Variants in BUB1B observed in about 807,000 individuals in gnomAD.
BUB1B encodes the protein BUB1 mitotic checkpoint serine/threonine kinase B.
Under a neutral mutation model 137.7 loss-of-function variants are expected in BUB1B, and 86 were observed. The observed-to-expected ratio is 0.62, with a 90% CI of 0.52 to 0.75. BUB1B has a LOEUF of 0.75. Among genes scored for constraint, BUB1B ranks in the 30% least tolerant of loss-of-function variants. The pLI, the probability that BUB1B is intolerant of heterozygous loss-of-function variation, is 0.00. For missense variants in BUB1B, 1,130 were observed against 1,236.9 expected (o/e 0.91, Z 1.30); for synonymous variants, 420 against 417.9 (o/e 1.00, Z -0.06).
intron 2 of BUB1B, among the ~76,000 whole-genome samples, chr15:40,168,809 G>T (rs931083911): frequency 6.6e-6 from 1 of 151,966 alleles, no homozygotes; most frequent in Non-Finnish European, 1.5e-5. Context: ...TTCCACCTTC[G>T]TAATTTTATT....
In BUB1B at chr15:40,199,671, A is replaced by G. The variant is rs758086809; in HGVS notation, c.1345A>G (p.Met449Val). Reference protein sequence around the residue: ...RAEMQKQIEEMEKKLKEIQTT... With the variant: ...RAEMQKQIEEVEKKLKEIQTT... ...AGAAATGCAGAAACAGATTGAAGAG[A>G]TGGAGAAGAAGCTAAAAGAAATCCA... Residue 449 changes from methionine (M) to valine (V), a missense_variant, in exon 10 of 23, where the codon ATG (methionine) becomes GTG (valine). Met to Val is a conservative substitution (Grantham distance 21, BLOSUM62 1). Transcript: ENST00000287598. 6.2e-7 allele frequency: 1 copy of G among 1,613,932 alleles called. No individual in the cohort carries two copies. Among genetic ancestry groups the G allele is most frequent in the African/African-American group, 1.3e-5 (1 of 74,940 alleles).
Position 40,218,462 on chromosome 15 carries a change from C to T in BUB1B, c.2857C>T (p.Leu953=), listed in dbSNP as rs1055481142. The part of the protein sequence containing the change: ...ANCSSPYQVD[L]FGIADLAHLL... ...GTGCTTTTTGTGATTTCAGGTAGACCTGTTTGGTATAGCAGATTTAGCACA... is the reference window on the plus strand; with the variant it reads ...GTGCTTTTTGTGATTTCAGGTAGACTTGTTTGGTATAGCAGATTTAGCACA... The change falls in exon 22 of 23, where the codon CTG becomes TTG. Residue 953 remains leucine (L), a synonymous_variant. Transcript: ENST00000287598. 1.2e-5 allele frequency: 19 copies of T among 1,611,928 alleles called. No homozygotes were observed. The Admixed American group carries it at 2.0e-4, about 17-fold the overall frequency.
In BUB1B at chr15:40,209,793, C is replaced by T. The variant is rs113609246; in HGVS notation, c.2284+18C>T. 8.5e-5 allele frequency: 137 copies of T among 1,613,564 alleles called. 1 individual carries two copies. The Middle Eastern group carries it at 4.1e-3, about 49-fold the overall frequency. On this transcript the variant is annotated intron_variant, in intron 17 of 22. Coordinates refer to ENST00000287598, the MANE Select transcript of BUB1B (RefSeq NM_001211.6). ...TGAATTAGGTAAGTACCATTGAACTCATGTCCTCTGGTTCATGACAGTATA... is the reference window on the plus strand; with the variant it reads ...TGAATTAGGTAAGTACCATTGAACTTATGTCCTCTGGTTCATGACAGTATA...
Position 40,199,717 on chromosome 15 carries a change from C to T in BUB1B, c.1391C>T (p.Thr464Ile), listed in dbSNP as rs1431082197. Residue 464 changes from threonine (T) to isoleucine (I), a missense_variant, in exon 10 of 23, where the codon ACA becomes ATA. By Grantham distance (89) the Thr-to-Ile change is moderately conservative. Coordinates refer to ENST00000287598, the MANE Select transcript of BUB1B (RefSeq NM_001211.6). Reference protein sequence around the residue: ...KEIQTTQQERTGDQQEETMPT... With the variant: ...KEIQTTQQERIGDQQEETMPT... ...ATCCAAACTACTCAGCAAGAAAGAACAGGTGATCAGGTAATTTTTCTTTTT... is the reference window on the plus strand; with the variant it reads ...ATCCAAACTACTCAGCAAGAAAGAATAGGTGATCAGGTAATTTTTCTTTTT... 1 of 1,611,090 alleles carries T rather than the reference C, an allele frequency of 6.2e-7. No homozygotes were observed. The highest frequency in any genetic ancestry group is 1.1e-5 in the South Asian group (1 of 91,008).
chr15:40,220,132 G>A (rs2037875190), intron 22 of BUB1B, among the ~76,000 whole-genome samples: 1 of 152,188 alleles, frequency 6.6e-6, no homozygotes. Context: ...AACATATTAA[G>A]CAGTAGTTAG....
At chr15:40,207,870 C>T (rs1006001638) in intron 15 of BUB1B, among the ~76,000 whole-genome samples, 1 of 96,024 alleles carries the variant, frequency 1.0e-5, no homozygotes, top group African/African-American at 3.9e-5. Flanking sequence ...TGCCTTGTGT[C>T]TAATAAAAAT....
At position 40,173,912 on chromosome 15, in the gene BUB1B, T is replaced by C. The variant is rs1349292296; in HGVS notation, c.385-2565T>C. 1.5e-5 allele frequency: 6 copies of C among 404,048 alleles called. No homozygotes were observed. In the Admixed American group the frequency reaches 2.1e-4, roughly 14 times the overall value. The allele number at this position is 404,048 out of a possible 1,614,324, so 25.0% of individuals were successfully genotyped here. On this transcript the variant is annotated intron_variant, in intron 4 of 22. Coordinates refer to ENST00000287598, the MANE Select transcript of BUB1B (RefSeq NM_001211.6). The stretch of plus-strand genomic sequence containing the variant: ...AGGATTTCTCCAGTCAGTTATTTTA[T>C]GTGACTCCTACAGTCTAGCTAAGGA...
intron 8 of BUB1B, 102 bp from the exon 9 acceptor site, chr15:40,196,440 CATA>C (rs768182337): frequency 8.2e-5 from 89 of 1,084,062 alleles, no homozygotes; most frequent in Non-Finnish European, 1.1e-4. Context: ...ATTTGCAGAA[CATA>C]ATTATTGATG....
chr15:40,202,257 C>T (rs1355491386), intron 12 of BUB1B, 148 bp from the exon 13 acceptor site: 1 of 688,250 alleles, frequency 1.5e-6, no homozygotes, highest in Admixed American at 2.8e-5. Flanking sequence ...TGTTTAATGA[C>T]CTTTTATATG....
chr15:40,184,311 A>C (rs565027878), intron 6 of BUB1B, among the ~76,000 whole-genome samples: 1 of 146,078 alleles, frequency 6.8e-6, no homozygotes, highest in Non-Finnish European at 1.5e-5. Flanking sequence ...ATTAACATGG[A>C]CTTTTTTTTT....
In BUB1B at chr15:40,215,192, G is replaced by A. The variant is rs193115064; in HGVS notation, c.2678+1718G>A. Among the ~76,000 whole-genome samples, 340 of 152,278 alleles carry A rather than the reference G, an allele frequency of 2.2e-3. 1 individual carries two copies. The Middle Eastern group carries it at 0.044, about 20-fold the overall frequency. On this transcript the variant is annotated intron_variant, in intron 20 of 22. Transcript: ENST00000287598. ...AGGAATTAAAAGCCAGAAAGGGGCC[G>A]AGCACAGTGGCTCATGCCTATAATC...
chr15:40,216,573 T>TATATA (rs1566829837), intron 20 of BUB1B, among the ~76,000 whole-genome samples: 5 of 110,304 alleles, frequency 4.5e-5, no homozygotes, highest in African/African-American at 2.3e-4. Context: ...ATATATATAT[T>TATATA]TTTTTTTTTT....
intron 5 of BUB1B, among the ~76,000 whole-genome samples, chr15:40,179,153 C>G (rs1280262940): frequency 2.1e-5 from 3 of 146,116 alleles, no homozygotes; most frequent in Non-Finnish European, 4.6e-5. Flanking sequence ...ATACTATTTC[C>G]TTTTTTTTTT....
At chr15:40,200,624 A>G (rs1260787724) in intron 11 of BUB1B, among the ~76,000 whole-genome samples, 1 of 152,200 alleles carries the variant, frequency 6.6e-6, no homozygotes, top group African/African-American at 2.4e-5. Context: ...CTAAGAGATG[A>G]TTACCATTAA....
chr15:40,185,043 T>C, intron 6 of BUB1B, 122 bp from the exon 7 acceptor site: 3 of 725,710 alleles, frequency 4.1e-6, no homozygotes, highest in Non-Finnish European at 6.6e-6. Flanking sequence ...TAAAATTTCT[T>C]TTTTTTTTTC....
At chr15:40,170,516 T>A in intron 3 of BUB1B, 21 bp from the exon 4 acceptor site, 1 of 1,612,940 alleles carries the variant, frequency 6.2e-7, no homozygotes, top group Non-Finnish European at 8.5e-7. Context: ...AATGTGTTCT[T>A]ATCTTTTTCC....
At chr15:40,170,437 A>G (rs2037148495) in intron 3 of BUB1B, 100 bp from the exon 4 acceptor site, 1 of 1,404,188 alleles carries the variant, frequency 7.1e-7, no homozygotes, top group East Asian at 2.3e-5. Flanking sequence ...CTCAAAAGAA[A>G]CATACTTTAC....
Position 40,216,476 on chromosome 15 carries a change from C to CAT in BUB1B, c.2679-1010_2679-1009dup, listed in dbSNP as rs1263568298. Among the ~76,000 whole-genome samples the CAT allele has an allele frequency of 7.4e-5, 11 of 148,082 alleles. No individual in the cohort carries two copies. The East Asian group carries it at 1.6e-3, about 21-fold the overall frequency. On this transcript the variant is annotated intron_variant, in intron 20 of 22. Coordinates refer to ENST00000287598, the MANE Select transcript of BUB1B (RefSeq NM_001211.6). The stretch of plus-strand genomic sequence containing the variant: ...AAAACACACACATGCACACACTTTA[C>CAT]ATATATATATAAAATACATATGTAT...
At chr15:40,195,072 G>A (rs747474420) in intron 8 of BUB1B, among the ~76,000 whole-genome samples, 15 of 151,980 alleles carry the variant, frequency 9.9e-5, no homozygotes, top group Non-Finnish European at 1.8e-4. Context: ...CTGAAATTTT[G>A]GTGCACCCGT....
Sources: allele counts gnomAD v4.1 joint callset (sites outside exome capture counted in the v4.1 genomes callset), GRCh38; gene constraint gnomAD v4.1.1; transcripts MANE v1.5; gene names NCBI Gene and HGNC (gene_info 2026-07-23, HGNC 2026-07-21).